The following BMPR2 variants were observed in gnomAD, a reference collection of about 807,000 sequenced individuals.
BMPR2 encodes the protein bone morphogenetic protein receptor type-2.
Under a neutral mutation model 100.8 loss-of-function variants are expected in BMPR2, and 29 were observed. The observed-to-expected ratio is 0.29, with a 90% confidence interval of 0.21 to 0.39. The LOEUF (loss-of-function observed/expected upper bound fraction) is 0.39, where lower values mean the gene tolerates loss of function less well. Ranked by LOEUF, BMPR2 falls within the 10% of genes least tolerant of loss-of-function variation. The pLI is 1.00. For synonymous variants in BMPR2, 382 were observed against 442.3 expected, an observed-to-expected ratio of 0.86 and a Z score of 1.71; for missense variants, 1,011 against 1,274.5, an observed-to-expected ratio of 0.79 and a Z score of 3.15.
At chr2:202,404,785 C>T (rs1188949980) in intron 1 of BMPR2, among the ~76,000 whole-genome samples, 2 of 152,108 alleles carry the variant, frequency 1.3e-5, no homozygotes, top group Admixed American at 6.6e-5. Flanking sequence ...GCCCTCTTCC[C>T]TCCCTGCTTT....
At chr2:202,528,956 G>A (rs901395485) in intron 7 of BMPR2, among the ~76,000 whole-genome samples, 3 of 152,168 alleles carry the variant, frequency 2.0e-5, no homozygotes, top group Non-Finnish European at 4.4e-5. Context: ...GAATTATACT[G>A]TTATTACTTA....
chr2:202,545,414 A>G (rs766935967), intron 10 of BMPR2, among the ~76,000 whole-genome samples: 39 of 152,042 alleles, frequency 2.6e-4, no homozygotes, highest in Admixed American at 1.8e-3. Flanking sequence ...CCAGAATGTA[A>G]TAAGAGTGAT....
chr2:202,437,085 A>G (rs1691628350), intron 1 of BMPR2, among the ~76,000 whole-genome samples: 1 of 150,386 alleles, frequency 6.6e-6, no homozygotes, highest in Non-Finnish European at 1.5e-5. Context: ...GGCTCACTGC[A>G]ACCTCTGTCT....
At chr2:202,488,470 A>G (rs921142107) in intron 3 of BMPR2, among the ~76,000 whole-genome samples, 5 of 152,176 alleles carry the variant, frequency 3.3e-5, no homozygotes, top group African/African-American at 9.7e-5. Flanking sequence ...AAAAAAACAA[A>G]AAAACAGAGT....
At chr2:202,452,281 G>A (rs917391451) in intron 1 of BMPR2, among the ~76,000 whole-genome samples, 1 of 152,036 alleles carries the variant, frequency 6.6e-6, no homozygotes, top group Non-Finnish European at 1.5e-5. Flanking sequence ...CTTTTGCTCT[G>A]AACAATGTTT....
In BMPR2 at chr2:202,522,900, A is replaced by C. The variant is rs552903707; in HGVS notation, c.967+2699A>C. 9.7e-4 allele frequency among the ~76,000 whole-genome samples: 147 copies of C among 152,324 alleles called. 1 individual carries two copies. The highest frequency in any genetic ancestry group is 3.3e-3 in the African/African-American group (137 of 41,576). ...TCCTCTAAGATATACATGCGAGCAT[A>C]CTTAGAAAATGTTCTTTTCAAAAGA... On this transcript the variant is annotated intron_variant, in intron 7 of 12. Coordinates refer to ENST00000374580, the MANE Select transcript of BMPR2 (RefSeq NM_001204.7).
At chr2:202,466,901 T>G (rs1335887300) in intron 2 of BMPR2, among the ~76,000 whole-genome samples, 1 of 152,212 alleles carries the variant, frequency 6.6e-6, no homozygotes, top group Admixed American at 6.5e-5. Context: ...CCCAGCCATA[T>G]TATTTTTTAA....
rs569054121 is a variant in BMPR2, at chr2:202,417,867, C to T, written c.76+40317C>T. Among the ~76,000 whole-genome samples the T allele has an allele frequency of 4.3e-4, 65 of 151,578 alleles. 1 individual carries two copies. Among genetic ancestry groups the T allele is most frequent in the African/African-American group, 1.1e-3 (45 of 41,344 alleles). Reference sequence around the variant, plus strand: ...CCCAGTGGCTGGAACTACAGGTGGCCGCCACCACGCCCGGCTAATTTTTTG... The same window carrying T: ...CCCAGTGGCTGGAACTACAGGTGGCTGCCACCACGCCCGGCTAATTTTTTG... On this transcript the variant is annotated intron_variant, in intron 1 of 12. Coordinates refer to ENST00000374580, the MANE Select transcript of BMPR2 (RefSeq NM_001204.7).
chr2:202,541,385 T>G (rs1239393317), intron 9 of BMPR2, among the ~76,000 whole-genome samples: 2 of 152,104 alleles, frequency 1.3e-5, no homozygotes, highest in Admixed American at 6.5e-5. Context: ...GCTATGATAA[T>G]GCCACCGTAC....
At chr2:202,384,188 C>CA (rs1222662709) in intron 1 of BMPR2, among the ~76,000 whole-genome samples, 1 of 151,996 alleles carries the variant, frequency 6.6e-6, no homozygotes, top group Non-Finnish European at 1.5e-5. Flanking sequence ...CAAAACAAAA[C>CA]AAAAAAACAC....
At chr2:202,557,759 A>G (rs1189224361) in intron 12 of BMPR2, among the ~76,000 whole-genome samples, 1 of 152,230 alleles carries the variant, frequency 6.6e-6, no homozygotes, top group African/African-American at 2.4e-5. Context: ...TTGATAATTA[A>G]AAAGTCAGTG....
intron 3 of BMPR2, among the ~76,000 whole-genome samples, chr2:202,471,911 A>T (rs924543109): frequency 7.1e-6 from 1 of 140,944 alleles, no homozygotes. Context: ...TCAAAAAAAG[A>T]TTGTGTGTGT....
At chr2:202,542,484 G>T in intron 10 of BMPR2, 37 bp downstream of exon 10, 1 of 1,607,718 alleles carries the variant, frequency 6.2e-7, no homozygotes, top group Non-Finnish European at 8.5e-7. Context: ...GAGGACTTAT[G>T]ACTGAATATG....
chr2:202,553,312 A>G (rs984560504), intron 11 of BMPR2, among the ~76,000 whole-genome samples: 5 of 151,984 alleles, frequency 3.3e-5, no homozygotes, highest in Non-Finnish European at 7.4e-5. Context: ...TTTCACTGAC[A>G]CTAAGGTTTG....
chr2:202,492,620 A>T (rs1353709445), intron 3 of BMPR2, among the ~76,000 whole-genome samples: 1 of 150,336 alleles, frequency 6.7e-6, no homozygotes, highest in African/African-American at 2.4e-5. Context: ...GAATCACTTG[A>T]ACCCAGGAGG....
At chr2:202,459,234 G>A (rs1483495246) in intron 1 of BMPR2, among the ~76,000 whole-genome samples, 2 of 152,016 alleles carry the variant, frequency 1.3e-5, no homozygotes, top group African/African-American at 4.8e-5. Flanking sequence ...CTATATTTTT[G>A]TACAACTTTG....
intron 7 of BMPR2, among the ~76,000 whole-genome samples, chr2:202,530,001 A>G (rs1390028031): frequency 6.6e-6 from 1 of 152,176 alleles, no homozygotes; most frequent in East Asian, 1.9e-4. Context: ...AGAAAAATAT[A>G]ATGTACTTAT....
At chr2:202,404,477 T>G (rs1014399963) in intron 1 of BMPR2, among the ~76,000 whole-genome samples, 2 of 152,166 alleles carry the variant, frequency 1.3e-5, no homozygotes, top group African/African-American at 4.8e-5. Flanking sequence ...ATTACAGGCG[T>G]GAGCCACTGA....
Position 202,503,401 on chromosome 2 carries a change from A to T in BMPR2, c.419-10318A>T, listed in dbSNP as rs1687445104. The stretch of plus-strand genomic sequence containing the variant: ...TGTGGAGGGAGAGGCGCAAGCAGGA[A>T]CCGGGGCGGCGTGCCGCGCTTGCGG... On this transcript the variant is annotated intron_variant, in intron 3 of 12. Coordinates refer to ENST00000374580, the MANE Select transcript of BMPR2 (RefSeq NM_001204.7). The surrounding 1 kb of genome is among the most constrained non-coding windows in gnomAD (Gnocchi z 4.0). Among the ~76,000 whole-genome samples the T allele has an allele frequency of 6.6e-6, 1 of 152,194 alleles. No individual in the cohort carries two copies. The highest frequency in any genetic ancestry group is 6.5e-5 in the Admixed American group (1 of 15,292).
Sources: gnomAD v4.1 joint callset for allele counts (sites outside exome capture counted in the v4.1 genomes callset) on GRCh38, gnomAD v4.1.1 for gene constraint, Gnocchi (gnomAD v3.1) non-coding constraint, MANE v1.5 for transcripts, NCBI Gene and HGNC (gene_info 2026-07-23, HGNC 2026-07-21) for gene names.